ARID3A: variants seen among roughly 807,000 people sequenced by gnomAD.
The protein encoded by ARID3A is AT-rich interactive domain-containing protein 3A.
In ARID3A, 11 loss-of-function variants were observed where a neutral mutation model predicts 52.7. That is an observed-to-expected ratio of 0.21 (90% confidence interval 0.13 to 0.35). The LOEUF (loss-of-function observed/expected upper bound fraction) is 0.35. Among genes scored for constraint, ARID3A ranks in the 10% least tolerant of loss-of-function variants. The pLI is 1.00. For missense variants in ARID3A, 721 were observed against 838.5 expected (o/e 0.86, Z 1.73); for synonymous variants, 404 against 359.4 (o/e 1.12, Z -1.40).
At chr19:946,883 T>C (rs2037696726) in intron 3 of ARID3A, among the ~76,000 whole-genome samples, 1 of 151,882 alleles carries the variant, frequency 6.6e-6, no homozygotes, top group African/African-American at 2.4e-5. Context: ...AGCCTCGAGC[T>C]CCTGGGCTCA....
At chr19:940,178 G>A (rs1475038138) in intron 3 of ARID3A, among the ~76,000 whole-genome samples, 1 of 152,160 alleles carries the variant, frequency 6.6e-6, no homozygotes, top group Non-Finnish European at 1.5e-5. Context: ...ACTGTGACTG[G>A]AGCGTAATGT....
chr19:933,845 GT>G (rs147331396), intron 3 of ARID3A, among the ~76,000 whole-genome samples: 1 of 136,240 alleles, frequency 7.3e-6, no homozygotes, highest in South Asian at 2.5e-4. Context: ...CGGGGACTCG[GT>G]GGGGGGGGGG....
Position 929,695 on chromosome 19 carries a change from G to T in ARID3A, c.167G>T (p.Arg56Leu). 1 of 1,563,640 alleles carries T rather than the reference G, an allele frequency of 6.4e-7. No homozygotes were observed. Among genetic ancestry groups the T allele is most frequent in the Non-Finnish European group, 8.6e-7 (1 of 1,163,086 alleles). The change falls in exon 2 of 9, where the codon CGG (arginine) becomes CTG (leucine). Residue 56 changes from arginine to leucine, a missense_variant. Coordinates refer to ENST00000263620, the MANE Select transcript of ARID3A (RefSeq NM_005224.3). The surrounding 1 kb of genome is among the most constrained non-coding windows in gnomAD (Gnocchi z 6.2). ...DREPESARMQ[R>L]AQMAALAAMR... ...GAGCCCGAGAGTGCCCGGATGCAGC[G>T]GGCTCAGATGGCCGCACTGGCAGCC...
intron 7 of ARID3A, among the ~76,000 whole-genome samples, 184 bp downstream of exon 7, chr19:967,052 G>A (rs1568373777): frequency 2.0e-5 from 3 of 151,902 alleles, no homozygotes; most frequent in Admixed American, 6.6e-5. Context: ...GAGGTCAGGA[G>A]TTCGAGATCA....
Position 960,501 on chromosome 19 carries a change from G to A in ARID3A, c.766+337G>A, listed in dbSNP as rs1051458269. Reference sequence around the variant, plus strand: ...GGGGTCCCCACTACTGGGTAATGGGGGAGTGGAACCAGCCTCTGTGTTTAG... The same window carrying A: ...GGGGTCCCCACTACTGGGTAATGGGAGAGTGGAACCAGCCTCTGTGTTTAG... On this transcript the variant is annotated intron_variant, in intron 4 of 8. Transcript: ENST00000263620. The surrounding 1 kb of genome is among the most constrained non-coding windows in gnomAD (Gnocchi z 4.3). 6.6e-6 allele frequency among the ~76,000 whole-genome samples: 1 copy of A among 152,116 alleles called. No homozygotes were observed. The highest frequency in any genetic ancestry group is 1.5e-5 in the Non-Finnish European group (1 of 68,002).
At chr19:928,105 GC>G (rs1403735661) in intron 1 of ARID3A, among the ~76,000 whole-genome samples, 1 of 149,294 alleles carries the variant, frequency 6.7e-6, no homozygotes, top group African/African-American at 2.4e-5. Context: ...GGCCTTGTCT[GC>G]CCAGGAGCTG....
chr19:941,428 C>T lies in ARID3A; in HGVS notation c.693+8686C>T, dbSNP rs991375710. 6.6e-6 allele frequency among the ~76,000 whole-genome samples: 1 copy of T among 152,178 alleles called. No homozygotes were observed. The highest frequency in any genetic ancestry group is 1.5e-5 in the Non-Finnish European group (1 of 68,024). ...GGCTGTGTGCACCCAGCCAGCGGCA[C>T]CTCACGCGCCCGCCTGCGTGTCCCC... On this transcript the variant is annotated intron_variant, in intron 3 of 8. Coordinates refer to ENST00000263620, the MANE Select transcript of ARID3A (RefSeq NM_005224.3). This position sits in a 1 kb window ranked among gnomAD's most constrained non-coding sequence, Gnocchi z 6.9.
rs2038292800 is a variant in ARID3A, at chr19:972,226, T to TAG, written c.*162_*163insGA. On this transcript the variant is annotated 3_prime_UTR_variant, in exon 9 of 9. Coordinates refer to ENST00000263620, the MANE Select transcript of ARID3A (RefSeq NM_005224.3). ...CGCCAAAAAGAAAAGAAAAAAGATA[T>TAG]ATATATATATATATATATATACACG... The TAG allele has an allele frequency of 1.4e-5, 3 of 213,428 alleles. No homozygotes were observed. The highest frequency in any genetic ancestry group is 1.6e-4 in the East Asian group (2 of 12,250). 13.2% of individuals were successfully genotyped at this position (213,428 alleles called of 1,614,324 possible).
intron 4 of ARID3A, among the ~76,000 whole-genome samples, chr19:962,605 C>T (rs2038066631): frequency 6.6e-6 from 1 of 150,908 alleles, no homozygotes. Flanking sequence ...ACCTCCACCT[C>T]CCAGGTTCAA....
At chr19:970,626 C>T (rs1818548494) in intron 8 of ARID3A, among the ~76,000 whole-genome samples, 2 of 151,086 alleles carry the variant, frequency 1.3e-5, no homozygotes, top group African/African-American at 2.4e-5. Flanking sequence ...AGGTGCATGC[C>T]ACCAGGCCCG....
rs916028319 is a variant in ARID3A, at chr19:929,429, C to G, written c.-100C>G. On this transcript the variant is annotated 5_prime_UTR_variant, in exon 2 of 9. Coordinates refer to ENST00000263620, the MANE Select transcript of ARID3A (RefSeq NM_005224.3). The surrounding 1 kb of genome is among the most constrained non-coding windows in gnomAD (Gnocchi z 6.2). ...CCCCCGCGGCCCCCACGCTGCAGTG[C>G]GGCCGGGCCCCCTCCCCGCAGGGGC... is the stretch of plus-strand genomic sequence containing the variant. 3.4e-6 allele frequency: 4 copies of G among 1,161,192 alleles called. No homozygotes were observed. Among genetic ancestry groups the G allele is most frequent in the Non-Finnish European group, 4.3e-6 (4 of 924,766 alleles). 71.9% of individuals were successfully genotyped at this position (1,161,192 alleles called of 1,614,324 possible).
chr19:937,241 G>A (rs542706854), intron 3 of ARID3A, among the ~76,000 whole-genome samples: 1 of 152,296 alleles, frequency 6.6e-6, no homozygotes, highest in Non-Finnish European at 1.5e-5. Context: ...TCCAGCCTGG[G>A]CAACAGAGGG....
In ARID3A at chr19:971,977, G is replaced by T. The variant is rs770883132; in HGVS notation, c.1694G>T (p.Gly565Val). 1 of 1,602,890 alleles carries T rather than the reference G, an allele frequency of 6.2e-7. No individual in the cohort carries two copies. Among genetic ancestry groups the T allele is most frequent in the Non-Finnish European group, 8.5e-7 (1 of 1,175,004 alleles). ...GGSSSNAGGR[G>V]GNTGTSGGQA... Reference sequence around the variant, plus strand: ...AGCAGCAGCAACGCAGGCGGCCGGGGAGGAAACACCGGAACCAGCGGCGGC... The same window carrying T: ...AGCAGCAGCAACGCAGGCGGCCGGGTAGGAAACACCGGAACCAGCGGCGGC... The change falls in exon 9 of 9, where the codon GGA (glycine) becomes GTA (valine). Residue 565 changes from glycine (G) to valine (V), a missense_variant. Around this residue, in one of 5 missense-constraint regions of ARID3A, gnomAD observed 297 missense variants for 343.2 expected, o/e 0.87. Transcript: ENST00000263620.
At chr19:968,592 C>G in intron 8 of ARID3A, 89 bp downstream of exon 8, 1 of 1,284,226 alleles carries the variant, frequency 7.8e-7, no homozygotes, top group Non-Finnish European at 1.1e-6. Context: ...GTCCCACCTG[C>G]TTGAACCTAG....
Position 973,125 on chromosome 19 carries a change from T to TTTTTTTTTTTTTTTTTTTTTTTTG in ARID3A, c.*1060_*1061insTTTTTTTTTTTTTTTTTTTTTTTG, listed in dbSNP as rs2038316953. ...GGAAATTTTTTTTTTTTTTTTTTTTTGAGACGGAGTTTTGCTCTTGTCGCC... is the reference window on the plus strand; with the variant it reads ...GGAAATTTTTTTTTTTTTTTTTTTTTTTTTTTTTTTTTTTTTTTTTTTTGGAGACGGAGTTTTGCTCTTGTCGCC... On this transcript the variant is annotated 3_prime_UTR_variant, in exon 9 of 9. Coordinates refer to ENST00000263620, the MANE Select transcript of ARID3A (RefSeq NM_005224.3). The TTTTTTTTTTTTTTTTTTTTTTTTG allele has an allele frequency of 1.3e-5, 2 of 158,388 alleles. No individual in the cohort carries two copies. Among genetic ancestry groups the TTTTTTTTTTTTTTTTTTTTTTTTG allele is most frequent in the Admixed American group, 7.0e-5 (1 of 14,220 alleles). The allele number at this position is 158,388 out of a possible 1,614,324, so 9.8% of individuals were successfully genotyped here. A position where few individuals can be genotyped will look rare whatever the true frequency, so the allele number is the denominator to read the frequency against.
rs549602798 is a variant in ARID3A, at chr19:974,445, G to C, written c.*2380G>C. 4.2e-3 allele frequency: 979 copies of C among 231,072 alleles called. 1 individual carries two copies. The highest frequency in any genetic ancestry group is 7.3e-3 in the South Asian group (40 of 5,510). The allele number at this position is 231,072 out of a possible 1,614,324, so 14.3% of individuals were successfully genotyped here. A position where few individuals can be genotyped will look rare whatever the true frequency, so the allele number is the denominator to read the frequency against. Reference sequence around the variant, plus strand: ...TGGACTCTGTCCGTGTCTGTCCCCCGGCCTCCAGGGCTCCTCTCCCGGGAC... The same window carrying C: ...TGGACTCTGTCCGTGTCTGTCCCCCCGCCTCCAGGGCTCCTCTCCCGGGAC... On this transcript the variant is annotated 3_prime_UTR_variant, in exon 9 of 9. Coordinates refer to ENST00000263620, the MANE Select transcript of ARID3A (RefSeq NM_005224.3).
Position 971,746 on chromosome 19 carries a change from C to T in ARID3A, c.1595-132C>T, listed in dbSNP as rs774122774. The T allele has an allele frequency of 3.4e-6, 4 of 1,184,968 alleles. No individual in the cohort carries two copies. In the South Asian group the frequency reaches 6.4e-5, roughly 19 times the overall value. 73.4% of individuals were successfully genotyped at this position (1,184,968 alleles called of 1,614,324 possible). Reference sequence around the variant, plus strand: ...AGGCTGCAGTGAGCTCTGATGCCACCACTGCACTCTAGCCTGGGGGACAGA... The same window carrying T: ...AGGCTGCAGTGAGCTCTGATGCCACTACTGCACTCTAGCCTGGGGGACAGA... On this transcript the variant is annotated intron_variant, in intron 8 of 8. Transcript: ENST00000263620.
chr19:965,686 C>G (rs1222435766), intron 6 of ARID3A, among the ~76,000 whole-genome samples: 1 of 151,980 alleles, frequency 6.6e-6, no homozygotes, highest in Non-Finnish European at 1.5e-5. Flanking sequence ...AGTAGTGAGA[C>G]CCAGTCTAAA....
intron 3 of ARID3A, among the ~76,000 whole-genome samples, chr19:957,524 A>G (rs1238327671): frequency 6.6e-6 from 1 of 152,182 alleles, no homozygotes; most frequent in Non-Finnish European, 1.5e-5. Context: ...TCAGGCAGGC[A>G]CTGTCCTAGG....
Sources: gnomAD v4.1 joint callset for allele counts (sites outside exome capture counted in the v4.1 genomes callset) on GRCh38, gnomAD v4.1.1 for gene constraint, gnomAD v4.1.1 regional missense constraint, Gnocchi (gnomAD v3.1) non-coding constraint, MANE v1.5 for transcripts, NCBI Gene and HGNC (gene_info 2026-07-23, HGNC 2026-07-21) for gene names.